The following ALCAM variants were observed in gnomAD, a reference collection of about 807,000 sequenced individuals.
The protein encoded by ALCAM is activated leukocyte cell adhesion molecule, also known as CD166 antigen.
Under a neutral mutation model 70.9 loss-of-function variants are expected in ALCAM, and 30 were observed. The observed-to-expected ratio is 0.42, with a 90% CI of 0.32 to 0.57. The LOEUF (loss-of-function observed/expected upper bound fraction) is 0.57. Ranked by LOEUF, ALCAM falls within the 20% of genes least tolerant of loss-of-function variation. The pLI, the probability that ALCAM is intolerant of heterozygous loss-of-function variation, is 0.11. For missense variants in ALCAM, 591 were observed against 695.1 expected (o/e 0.85, Z 1.68); for synonymous variants, 249 against 242.5 (o/e 1.03, Z -0.25).
intron 1 of ALCAM, among the ~76,000 whole-genome samples, chr3:105,381,706 G>A (rs965197190): frequency 6.6e-6 from 1 of 151,658 alleles, no homozygotes; most frequent in African/African-American, 2.4e-5. Flanking sequence ...GACTGTGCTC[G>A]AAAGACATTT....
At chr3:105,529,974 T>G (rs993526419) in intron 3 of ALCAM, among the ~76,000 whole-genome samples, 28 of 152,078 alleles carry the variant, frequency 1.8e-4, no homozygotes, top group Non-Finnish European at 4.0e-4. Flanking sequence ...GAACCTAAAT[T>G]TATGGGGAGA....
At chr3:105,401,159 G>A (rs1047081056) in intron 1 of ALCAM, among the ~76,000 whole-genome samples, 8 of 152,136 alleles carry the variant, frequency 5.3e-5, no homozygotes, top group African/African-American at 1.7e-4. Flanking sequence ...CTTAGAAATT[G>A]GCTACTGATT....
chr3:105,382,632 C>G (rs1935551465), intron 1 of ALCAM, among the ~76,000 whole-genome samples: 1 of 151,990 alleles, frequency 6.6e-6, no homozygotes, highest in African/African-American at 2.4e-5. Flanking sequence ...GATTGCCATT[C>G]TAACTGGTGT....
chr3:105,568,883 G>T (rs1486187967), intron 14 of ALCAM, among the ~76,000 whole-genome samples: 6 of 146,986 alleles, frequency 4.1e-5, no homozygotes, highest in African/African-American at 1.5e-4. Flanking sequence ...TTGGTGTTTT[G>T]TTTTTTTTTC....
At chr3:105,547,886 C>T (rs748549325) in intron 11 of ALCAM, among the ~76,000 whole-genome samples, 8 of 151,454 alleles carry the variant, frequency 5.3e-5, no homozygotes, top group Non-Finnish European at 8.9e-5. Context: ...GCAAAATAAG[C>T]TCATGCATCT....
intron 14 of ALCAM, among the ~76,000 whole-genome samples, chr3:105,554,656 T>C (rs1401462920): frequency 6.6e-6 from 1 of 151,974 alleles, no homozygotes; most frequent in Non-Finnish European, 1.5e-5. Context: ...TTTGTGTCCA[T>C]GGCATCTATA....
chr3:105,504,132 T>C (rs1355768009), intron 1 of ALCAM, among the ~76,000 whole-genome samples: 1 of 152,214 alleles, frequency 6.6e-6, no homozygotes, highest in African/African-American at 2.4e-5. Context: ...AAAGTTCCCT[T>C]GTCCCCCTCA....
chr3:105,522,124 G>GAGTT (rs1213445693), intron 2 of ALCAM, among the ~76,000 whole-genome samples: 1 of 152,176 alleles, frequency 6.6e-6, no homozygotes, highest in East Asian at 1.9e-4. Context: ...TGAAATGTGG[G>GAGTT]AGTTAGTAAA....
intron 1 of ALCAM, among the ~76,000 whole-genome samples, chr3:105,392,458 C>T (rs1261856641): frequency 4.6e-5 from 7 of 151,258 alleles, no homozygotes; most frequent in African/African-American, 1.7e-4. Context: ...TGATTGTTCT[C>T]TCTTTTTTTC....
chr3:105,571,737 G>C (rs149403598), intron 14 of ALCAM, 115 bp from the exon 15 acceptor site: 1 of 763,430 alleles, frequency 1.3e-6, no homozygotes, highest in Non-Finnish European at 2.0e-6. Flanking sequence ...TTTGCCTAGC[G>C]GTTTGCTGTA....
chr3:105,376,454 C>T (rs538905277), intron 1 of ALCAM, among the ~76,000 whole-genome samples: 2 of 152,280 alleles, frequency 1.3e-5, no homozygotes, highest in South Asian at 2.1e-4. Flanking sequence ...AGAACTAAAA[C>T]TCATGTCAAT....
intron 1 of ALCAM, among the ~76,000 whole-genome samples, chr3:105,400,126 T>A (rs1936052658): frequency 6.6e-6 from 1 of 152,178 alleles, no homozygotes; most frequent in Non-Finnish European, 1.5e-5. Context: ...TTAAGGCTGA[T>A]AAAAGGGCAT....
intron 1 of ALCAM, among the ~76,000 whole-genome samples, chr3:105,452,598 G>T (rs538274569): frequency 9.9e-5 from 15 of 152,280 alleles, no homozygotes; most frequent in African/African-American, 3.6e-4. Context: ...CCAGTAATGG[G>T]ATTGCTGGGT....
At chr3:105,510,521 T>G (rs1480726636) in intron 1 of ALCAM, among the ~76,000 whole-genome samples, 1 of 152,054 alleles carries the variant, frequency 6.6e-6, no homozygotes, top group Non-Finnish European at 1.5e-5. Flanking sequence ...CCCTAAATAA[T>G]AAACAAAAGT....
chr3:105,493,506 C>T (rs183085795), intron 1 of ALCAM, among the ~76,000 whole-genome samples: 53 of 152,098 alleles, frequency 3.5e-4, no homozygotes, highest in Non-Finnish European at 5.6e-4. Context: ...ATTATCCAGT[C>T]GGGCTCAACC....
At chr3:105,508,231 C>T (rs75600975) in intron 1 of ALCAM, among the ~76,000 whole-genome samples, 1 of 151,928 alleles carries the variant, frequency 6.6e-6, no homozygotes, top group Non-Finnish European at 1.5e-5. Flanking sequence ...TAATACTTTC[C>T]AAAACAATAT....
At chr3:105,376,025 G>A (rs184924642) in intron 1 of ALCAM, among the ~76,000 whole-genome samples, 165 of 152,172 alleles carry the variant, frequency 1.1e-3, no homozygotes, top group Middle Eastern at 3.4e-3. Context: ...CACTTAGAGC[G>A]AAAACCTTAA....
At chr3:105,456,571 T>C (rs1003525282) in intron 1 of ALCAM, among the ~76,000 whole-genome samples, 5 of 152,320 alleles carry the variant, frequency 3.3e-5, no homozygotes, top group Middle Eastern at 3.4e-3. Context: ...TAGAGTTACC[T>C]TGGACTCCTC....
intron 1 of ALCAM, among the ~76,000 whole-genome samples, chr3:105,478,517 A>G (rs1303826133): frequency 6.6e-6 from 1 of 152,136 alleles, no homozygotes; most frequent in African/African-American, 2.4e-5. Context: ...AGTGCAGTCC[A>G]TACACATACG....
Sources: allele counts gnomAD v4.1 joint callset (sites outside exome capture counted in the v4.1 genomes callset), GRCh38; gene constraint gnomAD v4.1.1; transcripts MANE v1.5; gene names NCBI Gene and HGNC (gene_info 2026-07-23, HGNC 2026-07-21).